CPNE1: variants seen among roughly 807,000 people sequenced by gnomAD.
CPNE1 encodes copine 1.
In CPNE1, 58 loss-of-function variants were observed where a neutral mutation model predicts 63.2. The observed-to-expected ratio is 0.92, with a 90% confidence interval of 0.74 to 1.14. CPNE1 has a LOEUF of 1.14. Among genes scored for constraint, CPNE1 ranks in the 50% most tolerant of loss-of-function variants. The pLI is 0.00. For synonymous variants in CPNE1, 237 were observed against 249.0 expected (o/e 0.95, Z 0.45); for missense variants, 672 against 661.7 (o/e 1.02, Z -0.17).
chr20:35,664,201 C>T (rs1165953395), intron 1 of CPNE1, among the ~76,000 whole-genome samples: 1 of 152,176 alleles, frequency 6.6e-6, no homozygotes, highest in Non-Finnish European at 1.5e-5. Context: ...GCCACGAAGG[C>T]GGCCGGTTGT....
chr20:35,663,829 C>T (rs2034376116), intron 1 of CPNE1, among the ~76,000 whole-genome samples: 1 of 152,130 alleles, frequency 6.6e-6, no homozygotes, highest in African/African-American at 2.4e-5. Flanking sequence ...CCTCAAAGTC[C>T]CTCCCACCAC....
intron 1 of CPNE1, among the ~76,000 whole-genome samples, chr20:35,658,617 C>T (rs1229079123): frequency 1.3e-5 from 2 of 151,838 alleles, no homozygotes; most frequent in Non-Finnish European, 2.9e-5. Flanking sequence ...AAAAATTAGC[C>T]GGGTATGGTG....
chr20:35,631,531 A>G lies in CPNE1; in HGVS notation c.675T>C (p.Gly225=). Residue 225 remains glycine (G), a synonymous_variant, in exon 8 of 16, where the codon GGT becomes GGC. Transcript: ENST00000397443. ...GCTGGGCCAAGCTGGTGTGGAAGGT[A>G]CCGATGAGATCATGTGACCCGTCAC... is the stretch of plus-strand genomic sequence containing the variant. ...YDSDGSHDLI[G]TFHTSLAQLQ... is the part of the protein sequence containing the mutation. The G allele has an allele frequency of 6.2e-7, 1 of 1,614,056 alleles. No individual in the cohort carries two copies. The highest frequency in any genetic ancestry group is 8.5e-7 in the Non-Finnish European group (1 of 1,179,970).
intron 14 of CPNE1, 33 bp from the exon 15 acceptor site, chr20:35,626,836 ATCC>A: frequency 6.4e-7 from 1 of 1,557,010 alleles, no homozygotes; most frequent in Non-Finnish European, 8.9e-7. Flanking sequence ...CCTGAAGCAG[ATCC>A]TCCTCCTAAA....
chr20:35,638,495 A>T (rs2032615330), intron 1 of CPNE1, among the ~76,000 whole-genome samples: 1 of 152,248 alleles, frequency 6.6e-6, no homozygotes, highest in South Asian at 2.1e-4. Flanking sequence ...TATAATTAAA[A>T]AGACCACCAC....
At chr20:35,658,869 C>T (rs1018535088) in intron 1 of CPNE1, 29 of 698,100 alleles carry the variant, frequency 4.2e-5, no homozygotes, top group Non-Finnish European at 7.2e-5. Flanking sequence ...TTTCATATTT[C>T]TTAATAAGCT....
At position 35,630,933 on chromosome 20, in the gene CPNE1, CCA is replaced by C. The variant is rs1283156443; in HGVS notation, c.961_962del (p.Trp321GlufsTer10). On this transcript the variant is annotated frameshift_variant, in exon 11 of 16. Coordinates refer to ENST00000397443, the MANE Select transcript of CPNE1 (RefSeq NM_152925.3). LOFTEE classifies it high-confidence loss of function. The part of the protein sequence containing the change: ...TGVNEYLMAL[W>X]SVGSVVQDYD... ...AGTCCTGAACCACGCTGCCCACACT[CCA>C]CAGTGCCATCAGGTACTCATTGACC... 3 of 1,612,702 alleles carry C rather than the reference CCA, an allele frequency of 1.9e-6. No individual in the cohort carries two copies. Among genetic ancestry groups the C allele is most frequent in the Non-Finnish European group, 2.5e-6 (3 of 1,179,072 alleles).
intron 1 of CPNE1, among the ~76,000 whole-genome samples, chr20:35,647,924 G>T (rs1282999278): frequency 6.6e-6 from 1 of 151,452 alleles, no homozygotes; most frequent in Non-Finnish European, 1.5e-5. Context: ...AAATTAGCTG[G>T]GCTTGGCGGC....
At chr20:35,639,694 T>C (rs528869784) in intron 1 of CPNE1, among the ~76,000 whole-genome samples, 2 of 152,336 alleles carry the variant, frequency 1.3e-5, no homozygotes, top group East Asian at 1.9e-4. Flanking sequence ...TTGTTGTGAA[T>C]GACAAAAGCA....
At chr20:35,650,168 T>A (rs944357617) in intron 1 of CPNE1, 1 of 152,598 alleles carries the variant, frequency 6.6e-6, no homozygotes, top group African/African-American at 2.4e-5. Context: ...AAGCATTTAA[T>A]TACAGTCCAC....
In CPNE1 at chr20:35,636,633, C is replaced by A. The variant is rs1391761744; in HGVS notation, c.1-3710G>T. 5.9e-5 allele frequency among the ~76,000 whole-genome samples: 9 copies of A among 152,216 alleles called. No individual in the cohort carries two copies. In the East Asian group the frequency reaches 1.5e-3, roughly 26 times the overall value. On this transcript the variant is annotated intron_variant, in intron 1 of 15. Transcript: ENST00000397443. ...CCAACGTGGTGAAACCCAGTCTCTACCAAAAATACAAATATCAGCTGGGTG... is the reference window on the plus strand; with the variant it reads ...CCAACGTGGTGAAACCCAGTCTCTAACAAAAATACAAATATCAGCTGGGTG...
Position 35,632,642 on chromosome 20 carries a change from G to C in CPNE1, c.184C>G (p.Leu62Val), listed in dbSNP as rs758776816. Residue 62 changes from leucine (L) to valine (V), a missense_variant, in exon 3 of 16, where the codon CTA becomes GTA. Coordinates refer to ENST00000397443, the MANE Select transcript of CPNE1 (RefSeq NM_152925.3). ...GTCTCAAAGCGGTACTCAAGCTGTA[G>C]AGTCTTGGAGAACTCAGGGCTTGAG... is the stretch of plus-strand genomic sequence containing the variant. ...NCSSPEFSKT[L>V]QLEYRFETVQ... is the part of the protein sequence containing the mutation. The C allele has an allele frequency of 6.1e-6, 9 of 1,463,514 alleles. No individual in the cohort carries two copies. In the Admixed American group the frequency reaches 1.5e-4, roughly 24 times the overall value. 90.7% of individuals were successfully genotyped at this position (1,463,514 alleles called of 1,614,324 possible).
chr20:35,637,496 T>C (rs568194358), intron 1 of CPNE1, among the ~76,000 whole-genome samples: 1 of 152,314 alleles, frequency 6.6e-6, no homozygotes, highest in East Asian at 1.9e-4. Flanking sequence ...TTATTTCTGG[T>C]TCATCTAACA....
At chr20:35,662,548 T>C (rs1171383600) in intron 1 of CPNE1, among the ~76,000 whole-genome samples, 1 of 152,272 alleles carries the variant, frequency 6.6e-6, no homozygotes, top group Non-Finnish European at 1.5e-5. Flanking sequence ...CATCAGTCTC[T>C]GCATTTTAGG....
intron 1 of CPNE1, among the ~76,000 whole-genome samples, chr20:35,663,567 T>A (rs1428373474): frequency 6.6e-6 from 1 of 152,110 alleles, no homozygotes; most frequent in Non-Finnish European, 1.5e-5. Flanking sequence ...CAATTTATAT[T>A]AGGTTATCTC....
Position 35,664,900 on chromosome 20 carries a change from T to C in CPNE1, c.-141A>G, listed in dbSNP as rs1337934428. Reference sequence around the variant, plus strand: ...CCACCTCCTTCGCCGCTTCACAAAATGGCCGTCGGCCCGCTCAGCGGCTCC... The same window carrying C: ...CCACCTCCTTCGCCGCTTCACAAAACGGCCGTCGGCCCGCTCAGCGGCTCC... On this transcript the variant is annotated 5_prime_UTR_variant, in exon 1 of 16. Coordinates refer to ENST00000397443, the MANE Select transcript of CPNE1 (RefSeq NM_152925.3). 6.6e-6 allele frequency: 1 copy of C among 152,316 alleles called. No individual in the cohort carries two copies. The allele number at this position is 152,316 out of a possible 1,614,324, so 9.4% of individuals were successfully genotyped here.
chr20:35,626,947 G>GCCA, intron 14 of CPNE1, 144 bp from the exon 15 acceptor site: 1 of 738,878 alleles, frequency 1.4e-6, no homozygotes, highest in Non-Finnish European at 2.3e-6. Flanking sequence ...CAGCACTTTG[G>GCCA]GAGGCTAAGG....
rs977868519 is a variant in CPNE1, at chr20:35,632,858, G to A, written c.66C>T (p.Ile22=). The change falls in exon 2 of 16, where the codon ATC becomes ATT. Residue 22 remains isoleucine, a synonymous_variant. Coordinates refer to ENST00000397443, the MANE Select transcript of CPNE1 (RefSeq NM_152925.3). ...ISCDHLIDKD[I]GSKSDPLCVL... is the part of the protein sequence containing the mutation. ...CGCAGAGTGGGTCAGACTTGGAGCC[G>A]ATGTCCTTGTCAATGAGATGGTCAC... The A allele has an allele frequency of 9.2e-6, 8 of 872,758 alleles. No individual in the cohort carries two copies. Among genetic ancestry groups the A allele is most frequent in the Admixed American group, 5.1e-5 (3 of 59,160 alleles). The allele number at this position is 872,758 out of a possible 1,614,324, so 54.1% of individuals were successfully genotyped here. A position where few individuals can be genotyped will look rare whatever the true frequency, so the allele number is the denominator to read the frequency against.
chr20:35,629,231 C>T (rs1215918535), intron 13 of CPNE1, among the ~76,000 whole-genome samples: 1 of 152,226 alleles, frequency 6.6e-6, no homozygotes, highest in African/African-American at 2.4e-5. Context: ...AGGGACTGAG[C>T]TCCTATGACT....
Sources: gnomAD v4.1 joint callset for allele counts (sites outside exome capture counted in the v4.1 genomes callset) on GRCh38, gnomAD v4.1.1 for gene constraint, MANE v1.5 for transcripts, NCBI Gene and HGNC (gene_info 2026-07-23, HGNC 2026-07-21) for gene names.